The following CEP43 variants were observed in gnomAD, a reference collection of about 807,000 sequenced individuals.
CEP43 encodes FGFR1 oncogene partner.
In CEP43, 36 loss-of-function variants were observed where a neutral mutation model predicts 52.6. The observed-to-expected ratio is 0.68, with a 90% CI of 0.52 to 0.90. The LOEUF is 0.90. Ranked by LOEUF, CEP43 falls within the 40% of genes least tolerant of loss-of-function variation. The pLI, the probability that CEP43 is intolerant of heterozygous loss-of-function variation, is 0.00. For missense variants in CEP43, 506 were observed against 472.8 expected (o/e 1.07, Z -0.65); for synonymous variants, 192 against 172.4 (o/e 1.11, Z -0.89).
rs1780854735 is a variant in CEP43, at chr6:167,050,456, ACT to A, written c.*10481_*10482del. ...CGTCTTTTATTTCCTTGTTGATCTTACTCTTAGTTGTTCTATCCATCATTGAA... is the reference window on the plus strand; with the variant it reads ...CGTCTTTTATTTCCTTGTTGATCTTACTTAGTTGTTCTATCCATCATTGAA... On this transcript the variant is annotated 3_prime_UTR_variant, in exon 13 of 13. Coordinates refer to ENST00000366847, the MANE Select transcript of CEP43 (RefSeq NM_007045.4). The A allele has an allele frequency of 6.6e-6, 1 of 151,704 alleles. No homozygotes were observed. The highest frequency in any genetic ancestry group is 1.9e-4 in the East Asian group (1 of 5,170). 9.4% of individuals were successfully genotyped at this position (151,704 alleles called of 1,614,324 possible).
At chr6:167,021,237 T>C (rs1228632733) in intron 7 of CEP43, among the ~76,000 whole-genome samples, 1 of 152,174 alleles carries the variant, frequency 6.6e-6, no homozygotes, top group Non-Finnish European at 1.5e-5. Flanking sequence ...TTTTAACCCA[T>C]AAAGCCCACA....
In CEP43 at chr6:167,040,313, C is replaced by T. The variant is rs112023841; in HGVS notation, c.*335C>T. ...AGGTGTCAATAAAGCCGTAGGATCG[C>T]GCAACCCTTTGTGTGTGTGGCTGCT... is the stretch of plus-strand genomic sequence containing the variant. On this transcript the variant is annotated 3_prime_UTR_variant, in exon 13 of 13. Transcript: ENST00000366847. The T allele has an allele frequency of 0.01, 14,899 of 1,437,638 alleles. 111 individuals are homozygous for T. Among genetic ancestry groups the T allele is most frequent in the Middle Eastern group, 0.011 (44 of 3,898 alleles). The allele number at this position is 1,437,638 out of a possible 1,614,324, so 89.1% of individuals were successfully genotyped here.
intron 12 of CEP43, among the ~76,000 whole-genome samples, chr6:167,034,480 T>C (rs1242917793): frequency 2.0e-5 from 3 of 152,160 alleles, no homozygotes; most frequent in Admixed American, 6.5e-5. Flanking sequence ...TTTATGTGGG[T>C]GGAGAACAGA....
At chr6:167,027,248 G>A (rs9457257) in intron 10 of CEP43, among the ~76,000 whole-genome samples, 63,867 of 152,058 alleles carry the variant, frequency 0.42, 13,651 homozygotes, top group Non-Finnish European at 0.47. Context: ...TAAGAGTGTC[G>A]ATGTGAACAT....
intron 5 of CEP43, among the ~76,000 whole-genome samples, chr6:167,005,268 A>G (rs954235371): frequency 6.6e-6 from 1 of 152,240 alleles, no homozygotes; most frequent in East Asian, 1.9e-4. Flanking sequence ...CTTTGTGGGT[A>G]CTATAAGATA....
At chr6:167,015,256 C>A (rs1780068471) in intron 7 of CEP43, among the ~76,000 whole-genome samples, 1 of 152,184 alleles carries the variant, frequency 6.6e-6, no homozygotes, top group Non-Finnish European at 1.5e-5. Context: ...TACTTGGAAA[C>A]CTTTTTCCCT....
At chr6:167,013,449 AGTTT>A in intron 6 of CEP43, 55 bp from the exon 7 acceptor site, 1 of 1,364,868 alleles carries the variant, frequency 7.3e-7, no homozygotes, top group South Asian at 1.2e-5. Context: ...GTAATGAGTT[AGTTT>A]ATTTTTTAAA....
chr6:167,037,955 CAAT>C (rs1218819818), intron 12 of CEP43, among the ~76,000 whole-genome samples: 2 of 152,304 alleles, frequency 1.3e-5, no homozygotes, highest in African/African-American at 2.4e-5. Flanking sequence ...GTTGCCACAA[CAAT>C]GAGTCTAGGT....
At position 167,041,429 on chromosome 6, in the gene CEP43, A is replaced by G. The variant is rs1394858306; in HGVS notation, c.*1451A>G. On this transcript the variant is annotated 3_prime_UTR_variant, in exon 13 of 13. Transcript: ENST00000366847. ...TTCTGCCCTCCGTCTGTGAGCTGCT[A>G]TCTCAGTCTCCTTCAGCTCTTCATG... 2.8e-6 allele frequency: 3 copies of G among 1,059,618 alleles called. No homozygotes were observed. The highest frequency in any genetic ancestry group is 5.4e-5 in the Admixed American group (1 of 18,534). The allele number at this position is 1,059,618 out of a possible 1,614,324, so 65.6% of individuals were successfully genotyped here.
intron 6 of CEP43, chr6:167,011,779 G>A (rs56028052): frequency 0.02 from 3,081 of 152,456 alleles, 50 homozygotes; most frequent in East Asian, 0.091. Context: ...TTCTCATTGT[G>A]TCCTCACGTG....
intron 3 of CEP43, 151 bp from the exon 4 acceptor site, chr6:167,003,572 T>G (rs1779785947): frequency 1.8e-6 from 1 of 570,562 alleles, no homozygotes; most frequent in South Asian, 2.5e-5. Context: ...AGATTTTCAT[T>G]ACTTAATCAT....
intron 6 of CEP43, among the ~76,000 whole-genome samples, chr6:167,012,461 A>C (rs1159274362): frequency 1.3e-5 from 2 of 152,168 alleles, no homozygotes; most frequent in Non-Finnish European, 2.9e-5. Flanking sequence ...ATTAATTGCA[A>C]ATAAAACAGC....
At chr6:167,016,335 C>T (rs1375246832) in intron 7 of CEP43, among the ~76,000 whole-genome samples, 1 of 152,224 alleles carries the variant, frequency 6.6e-6, no homozygotes, top group East Asian at 1.9e-4. Flanking sequence ...TCATGGCTCA[C>T]ACCACTTGTC....
chr6:167,041,053 A>G lies in CEP43; in HGVS notation c.*1075A>G, dbSNP rs1356819216. 3 of 1,031,806 alleles carry G rather than the reference A, an allele frequency of 2.9e-6. No homozygotes were observed. The highest frequency in any genetic ancestry group is 1.7e-5 in the African/African-American group (1 of 59,330). The allele number at this position is 1,031,806 out of a possible 1,614,324, so 63.9% of individuals were successfully genotyped here. On this transcript the variant is annotated 3_prime_UTR_variant, in exon 13 of 13. Transcript: ENST00000366847. The stretch of plus-strand genomic sequence containing the variant: ...TAGAAAGTGATGCATGCATATTTAT[A>G]TATAAGTAAAGCAGGATTGTGCTGT...
At chr6:167,038,038 T>C (rs16899825) in intron 12 of CEP43, among the ~76,000 whole-genome samples, 3,014 of 152,330 alleles carry the variant, frequency 0.02, 48 homozygotes, top group East Asian at 0.092. Flanking sequence ...ATGTTCTATA[T>C]TCTGGAGCCT....
rs941654193 is a variant in CEP43, at chr6:167,043,461, A to C, written c.*3483A>C. 1 of 145,958 alleles carries C rather than the reference A, an allele frequency of 6.9e-6. No homozygotes were observed. Among genetic ancestry groups the C allele is most frequent in the African/African-American group, 2.6e-5 (1 of 38,976 alleles). 9.0% of individuals were successfully genotyped at this position (145,958 alleles called of 1,614,324 possible). On this transcript the variant is annotated 3_prime_UTR_variant, in exon 13 of 13. Transcript: ENST00000366847. ...CATGGGGCGACCTCGGCTCACTGCA[A>C]CCCCTGCCTTCTGGGTTCAAGTGAT...
At chr6:167,006,229 C>T (rs549416290) in intron 5 of CEP43, among the ~76,000 whole-genome samples, 13 of 152,286 alleles carry the variant, frequency 8.5e-5, no homozygotes, top group East Asian at 3.9e-4. Flanking sequence ...TGAAAATATT[C>T]GGATAGGCTG....
chr6:167,050,212 T>G lies in CEP43; in HGVS notation c.*10234T>G, dbSNP rs1377776402. 1 of 152,776 alleles carries G rather than the reference T, an allele frequency of 6.5e-6. No homozygotes were observed. The highest frequency in any genetic ancestry group is 1.5e-5 in the Non-Finnish European group (1 of 68,516). The allele number at this position is 152,776 out of a possible 1,614,324, so 9.5% of individuals were successfully genotyped here. Reference sequence around the variant, plus strand: ...ATAAGCATCTGGCATTTCCCCTGCTTGCACTCAGGCTGTCCTGCCACACTG... The same window carrying G: ...ATAAGCATCTGGCATTTCCCCTGCTGGCACTCAGGCTGTCCTGCCACACTG... On this transcript the variant is annotated 3_prime_UTR_variant, in exon 13 of 13. Coordinates refer to ENST00000366847, the MANE Select transcript of CEP43 (RefSeq NM_007045.4).
At chr6:167,003,579 T>C (rs1166048621) in intron 3 of CEP43, 144 bp from the exon 4 acceptor site, 1 of 583,108 alleles carries the variant, frequency 1.7e-6, no homozygotes, top group Non-Finnish European at 3.0e-6. Context: ...CATTACTTAA[T>C]CATATTATTC....
Sources: allele counts gnomAD v4.1 joint callset (sites outside exome capture counted in the v4.1 genomes callset), GRCh38; gene constraint gnomAD v4.1.1; transcripts MANE v1.5; gene names NCBI Gene and HGNC (gene_info 2026-07-23, HGNC 2026-07-21).